The following PSMC2 variants were observed in gnomAD, a reference collection of about 807,000 sequenced individuals.
PSMC2 encodes the protein proteasome 26S subunit, ATPase 2.
PSMC2 carries 7 observed loss-of-function variants against 53.3 expected under a neutral mutation model. That is an observed-to-expected ratio of 0.13 (90% CI 0.07 to 0.25). The LOEUF (loss-of-function observed/expected upper bound fraction) is 0.25, where lower values mean the gene tolerates loss of function less well. Ranked by LOEUF, PSMC2 falls within the 10% of genes least tolerant of loss-of-function variation. PSMC2 has a pLI of 1.00. For missense variants in PSMC2, 241 were observed against 544.0 expected, an observed-to-expected ratio of 0.44 and a Z score of 5.54; for synonymous variants, 169 against 183.9, an observed-to-expected ratio of 0.92 and a Z score of 0.66.
chr7:103,354,099 C>T, intron 2 of PSMC2, 141 bp downstream of exon 2: 1 of 665,936 alleles, frequency 1.5e-6, no homozygotes, highest in Non-Finnish European at 2.4e-6. Context: ...TAAAAAGAAA[C>T]AATTAGAAAA....
intron 4 of PSMC2, among the ~76,000 whole-genome samples, chr7:103,357,868 C>T (rs540730459): frequency 8.8e-4 from 134 of 152,246 alleles, no homozygotes; most frequent in Non-Finnish European, 1.7e-3. Flanking sequence ...TAGATCTGTT[C>T]GTTTTCTCTC....
chr7:103,358,986 ATTT>A (rs550195195), intron 4 of PSMC2, among the ~76,000 whole-genome samples: 2 of 143,106 alleles, frequency 1.4e-5, no homozygotes. Flanking sequence ...TAGCTTGTGA[ATTT>A]TTTTTTTTTT....
intron 4 of PSMC2, 35 bp from the exon 5 acceptor site, chr7:103,361,922 G>T (rs961578627): frequency 3.2e-6 from 5 of 1,581,988 alleles, no homozygotes; most frequent in Admixed American, 3.9e-5. Context: ...AGTGGCTTAG[G>T]TTCCTTATTC....
At chr7:103,349,106 GTTC>G (rs1222635626) in intron 1 of PSMC2, among the ~76,000 whole-genome samples, 1 of 152,092 alleles carries the variant, frequency 6.6e-6, no homozygotes, top group African/African-American at 2.4e-5. Flanking sequence ...ATTTTTAAAT[GTTC>G]TTTTGGTATT....
Position 103,364,268 on chromosome 7 carries a change from A to G in PSMC2, c.717A>G (p.Arg239=). 2 of 1,614,172 alleles carry G rather than the reference A, an allele frequency of 1.2e-6. No homozygotes were observed. Among genetic ancestry groups the G allele is most frequent in the Non-Finnish European group, 1.7e-6 (2 of 1,180,026 alleles). ...ATCGGACTGATGCGTGCTTCATTCG[A>G]GTTATTGGATCTGAGCTTGTACAGA... ...VANRTDACFI[R]VIGSELVQKY... is the part of the protein sequence containing the mutation. The change falls in exon 8 of 12, where the codon CGA becomes CGG. Residue 239 remains arginine, a synonymous_variant. Transcript: ENST00000292644.
rs999421786 is a variant in PSMC2, at chr7:103,368,173, C to G, written c.*119C>G. Reference sequence around the variant, plus strand: ...AAATTGTATGCTTTTTTCCATATCTCTTCTTGTAATATAATAAAAGGTGAT... The same window carrying G: ...AAATTGTATGCTTTTTTCCATATCTGTTCTTGTAATATAATAAAAGGTGAT... On this transcript the variant is annotated 3_prime_UTR_variant, in exon 12 of 12. Transcript: ENST00000292644. 1.1e-4 allele frequency: 93 copies of G among 864,618 alleles called. No individual in the cohort carries two copies. Among genetic ancestry groups the G allele is most frequent in the Non-Finnish European group, 1.4e-4 (84 of 586,140 alleles). The allele number at this position is 864,618 out of a possible 1,614,324, so 53.6% of individuals were successfully genotyped here. A position where few individuals can be genotyped will look rare whatever the true frequency, so the allele number is the denominator to read the frequency against.
chr7:103,347,935 C>T (rs145508860), intron 1 of PSMC2, among the ~76,000 whole-genome samples, 154 bp downstream of exon 1: 237 of 152,292 alleles, frequency 1.6e-3, no homozygotes, highest in African/African-American at 4.9e-3. Flanking sequence ...GATTAACTTG[C>T]CTGCCTTCTC....
At position 103,369,254 on chromosome 7, in the gene PSMC2, A is replaced by G. The variant is rs1417445403; in HGVS notation, c.*1200A>G. On this transcript the variant is annotated 3_prime_UTR_variant, in exon 12 of 12. Coordinates refer to ENST00000292644, the MANE Select transcript of PSMC2 (RefSeq NM_002803.4). ...TGATCAGAAAAATTCATCTTTTTTAACCCTGCCCTAATTTTTCTTGAGGAA... is the reference window on the plus strand; with the variant it reads ...TGATCAGAAAAATTCATCTTTTTTAGCCCTGCCCTAATTTTTCTTGAGGAA... 4 of 152,190 alleles carry G rather than the reference A, an allele frequency of 2.6e-5. No individual in the cohort carries two copies. Among genetic ancestry groups the G allele is most frequent in the Non-Finnish European group, 5.9e-5 (4 of 68,030 alleles). The allele number at this position is 152,190 out of a possible 1,614,324, so 9.4% of individuals were successfully genotyped here.
At chr7:103,347,997 A>G (rs866350351) in intron 1 of PSMC2, among the ~76,000 whole-genome samples, 1 of 152,088 alleles carries the variant, frequency 6.6e-6, no homozygotes, top group Admixed American at 6.5e-5. Flanking sequence ...GGAAATTTTT[A>G]TTCATTCTCA....
chr7:103,359,015 A>C (rs1423578805), intron 4 of PSMC2, among the ~76,000 whole-genome samples: 1 of 149,972 alleles, frequency 6.7e-6, no homozygotes, highest in African/African-American at 2.5e-5. Context: ...ACAAGGTCTC[A>C]CTTTGTTACC....
intron 9 of PSMC2, 69 bp downstream of exon 9, chr7:103,366,232 GAT>G: frequency 2.9e-6 from 4 of 1,356,582 alleles, no homozygotes; most frequent in Non-Finnish European, 4.2e-6. Context: ...GATATGTCGT[GAT>G]ATGTTAATCT....
chr7:103,361,818 A>G (rs564974529), intron 4 of PSMC2, 139 bp from the exon 5 acceptor site: 14 of 776,730 alleles, frequency 1.8e-5, no homozygotes, highest in African/African-American at 1.5e-4. Flanking sequence ...GGGTATAGAA[A>G]AGGATCTTTA....
chr7:103,361,867 A>G, intron 4 of PSMC2, 90 bp from the exon 5 acceptor site: 1 of 1,288,912 alleles, frequency 7.8e-7, no homozygotes, highest in Non-Finnish European at 1.1e-6. Flanking sequence ...TTATACCTGT[A>G]TATTGCACAC....
intron 1 of PSMC2, among the ~76,000 whole-genome samples, chr7:103,349,444 C>T (rs1819679016): frequency 6.6e-6 from 1 of 151,874 alleles, no homozygotes. Context: ...TGCGTTTATT[C>T]ATACATACCC....
At chr7:103,351,770 C>T (rs777731112) in intron 1 of PSMC2, among the ~76,000 whole-genome samples, 2 of 152,078 alleles carry the variant, frequency 1.3e-5, no homozygotes, top group Non-Finnish European at 2.9e-5. Context: ...CTCTGCTAAC[C>T]ACTTTCTATT....
intron 4 of PSMC2, among the ~76,000 whole-genome samples, chr7:103,361,530 AAAAG>A (rs1563491958): frequency 1.3e-5 from 2 of 149,740 alleles, no homozygotes; most frequent in South Asian, 2.1e-4. Flanking sequence ...AAAAAAAAAA[AAAAG>A]AAAAACGGAT....
At chr7:103,365,295 T>A (rs1389739643) in intron 8 of PSMC2, among the ~76,000 whole-genome samples, 1 of 152,060 alleles carries the variant, frequency 6.6e-6, no homozygotes, top group Non-Finnish European at 1.5e-5. Context: ...GCTGGCAAGA[T>A]TAATTTGGTG....
chr7:103,368,777 T>C lies in PSMC2; in HGVS notation c.*723T>C, dbSNP rs1008962315. The C allele has an allele frequency of 3.3e-5, 5 of 152,326 alleles. No individual in the cohort carries two copies. The highest frequency in any genetic ancestry group is 1.2e-4 in the African/African-American group (5 of 41,584). 9.4% of individuals were successfully genotyped at this position (152,326 alleles called of 1,614,324 possible). A position where few individuals can be genotyped will look rare whatever the true frequency, so the allele number is the denominator to read the frequency against. On this transcript the variant is annotated 3_prime_UTR_variant, in exon 12 of 12. Coordinates refer to ENST00000292644, the MANE Select transcript of PSMC2 (RefSeq NM_002803.4). ...AAAGAAAAAAAAATATTTGTACATATGATCTAATTTAGAAAGTCCAGAATT... is the reference window on the plus strand; with the variant it reads ...AAAGAAAAAAAAATATTTGTACATACGATCTAATTTAGAAAGTCCAGAATT...
In PSMC2 at chr7:103,368,520, A is replaced by G. The variant is rs1820841549; in HGVS notation, c.*466A>G. On this transcript the variant is annotated 3_prime_UTR_variant, in exon 12 of 12. Coordinates refer to ENST00000292644, the MANE Select transcript of PSMC2 (RefSeq NM_002803.4). ...ATCCGCTTCTGTCCCGCAACAAAGT[A>G]GCTCACTTAGGCGTATGACCACATG... is the stretch of plus-strand genomic sequence containing the variant. 6.5e-6 allele frequency: 1 copy of G among 152,854 alleles called. No individual in the cohort carries two copies. The highest frequency in any genetic ancestry group is 2.4e-5 in the African/African-American group (1 of 41,476). 9.5% of individuals were successfully genotyped at this position (152,854 alleles called of 1,614,324 possible).
Sources: allele counts gnomAD v4.1 joint callset (sites outside exome capture counted in the v4.1 genomes callset), GRCh38; gene constraint gnomAD v4.1.1; transcripts MANE v1.5; gene names NCBI Gene and HGNC (gene_info 2026-07-23, HGNC 2026-07-21).